LONP2: variants seen among roughly 807,000 people sequenced by gnomAD.
LONP2 encodes the protein lon protease homolog 2, peroxisomal.
Under a neutral mutation model 85.6 loss-of-function variants are expected in LONP2, and 60 were observed. The ratio of observed to expected loss-of-function variants is 0.70; its 90% CI spans 0.57 to 0.87. The LOEUF is 0.87. Ranked by LOEUF, LONP2 falls within the 40% of genes least tolerant of loss-of-function variation. The probability of loss-of-function intolerance (pLI) is 0.00; values close to 1 mark genes in which losing one functional copy is unlikely to be tolerated. For synonymous variants in LONP2, 395 were observed against 389.7 expected, an observed-to-expected ratio of 1.01 and a Z score of -0.16; for missense variants, 860 against 1,063.5, an observed-to-expected ratio of 0.81 and a Z score of 2.66.
At chr16:48,342,012 G>A (rs1005288275) in intron 12 of LONP2, among the ~76,000 whole-genome samples, 3 of 152,214 alleles carry the variant, frequency 2.0e-5, no homozygotes, top group Admixed American at 6.5e-5. Flanking sequence ...CATGGAAAGA[G>A]TAGGTCACTG....
intron 9 of LONP2, among the ~76,000 whole-genome samples, chr16:48,297,669 A>AT (rs1377978939): frequency 6.6e-6 from 1 of 151,114 alleles, no homozygotes; most frequent in South Asian, 2.1e-4. Context: ...TCTGAAATAT[A>AT]TTTTTACTAC....
At chr16:48,309,261 A>T (rs905385480) in intron 11 of LONP2, among the ~76,000 whole-genome samples, 1 of 152,220 alleles carries the variant, frequency 6.6e-6, no homozygotes, top group African/African-American at 2.4e-5. Context: ...CAAAAAATAG[A>T]ACCGTCATTT....
intron 12 of LONP2, among the ~76,000 whole-genome samples, chr16:48,346,211 T>TTAGTGAGAC (rs1325365308): frequency 2.0e-5 from 3 of 152,164 alleles, no homozygotes; most frequent in African/African-American, 7.2e-5. Context: ...GTGCTGTTCC[T>TTAGTGAGAC]TAGTGAGACG....
At chr16:48,282,283 T>A (rs1275115250) in intron 8 of LONP2, among the ~76,000 whole-genome samples, 2 of 151,772 alleles carry the variant, frequency 1.3e-5, no homozygotes, top group Non-Finnish European at 2.9e-5. Context: ...TGGTCGTGCA[T>A]GCCTGTAATC....
At chr16:48,271,173 C>CACAA (rs1972095517) in intron 7 of LONP2, among the ~76,000 whole-genome samples, 1 of 151,400 alleles carries the variant, frequency 6.6e-6, no homozygotes, top group Non-Finnish European at 1.5e-5. Flanking sequence ...GAGACATTAT[C>CACAA]TCAAACAAAC....
chr16:48,277,815 C>T (rs1211538940), intron 8 of LONP2, among the ~76,000 whole-genome samples: 13 of 151,490 alleles, frequency 8.6e-5, no homozygotes, highest in Admixed American at 8.5e-4. Context: ...CCCATGCCTT[C>T]TTCTGCACTT....
chr16:48,301,589 C>G (rs983779324), intron 10 of LONP2, among the ~76,000 whole-genome samples: 1 of 148,834 alleles, frequency 6.7e-6, no homozygotes, highest in Non-Finnish European at 1.5e-5. Flanking sequence ...GAGTTGAGAT[C>G]GTGCCACTGC....
intron 7 of LONP2, among the ~76,000 whole-genome samples, chr16:48,276,624 A>G (rs1166658130): frequency 1.3e-5 from 2 of 152,242 alleles, no homozygotes; most frequent in African/African-American, 4.8e-5. Flanking sequence ...TCCAAATACA[A>G]TAAAGCAGGC....
At chr16:48,269,791 T>G (rs988589602) in intron 6 of LONP2, among the ~76,000 whole-genome samples, 4 of 152,156 alleles carry the variant, frequency 2.6e-5, no homozygotes, top group Admixed American at 2.0e-4. Context: ...ATATGAACAT[T>G]GAGTTTTTAA....
chr16:48,317,906 T>C (rs1365040253), intron 11 of LONP2, among the ~76,000 whole-genome samples: 1 of 152,228 alleles, frequency 6.6e-6, no homozygotes, highest in Non-Finnish European at 1.5e-5. Flanking sequence ...TCCTATTTTG[T>C]GTGAGTTGCA....
At chr16:48,307,948 G>C (rs1330998537) in intron 11 of LONP2, among the ~76,000 whole-genome samples, 2 of 152,166 alleles carry the variant, frequency 1.3e-5, no homozygotes. Flanking sequence ...CATGGTGAGA[G>C]AGGGAGCAAG....
intron 8 of LONP2, among the ~76,000 whole-genome samples, chr16:48,289,894 C>T (rs1037616952): frequency 7.2e-5 from 11 of 152,124 alleles, no homozygotes. Flanking sequence ...TGTTATTATG[C>T]ATCATATCTT....
intron 11 of LONP2, among the ~76,000 whole-genome samples, chr16:48,316,876 A>G (rs1271869275): frequency 6.6e-6 from 1 of 151,560 alleles, no homozygotes. Context: ...TTTTTACTGG[A>G]TGCCAGACAT....
chr16:48,255,408 G>A (rs1292520385), intron 2 of LONP2, among the ~76,000 whole-genome samples: 1 of 152,178 alleles, frequency 6.6e-6, no homozygotes. Flanking sequence ...ACACCTATTA[G>A]TATATTCGAA....
intron 11 of LONP2, among the ~76,000 whole-genome samples, chr16:48,315,581 C>T (rs901316285): frequency 1.3e-5 from 2 of 152,160 alleles, no homozygotes; most frequent in Non-Finnish European, 2.9e-5. Flanking sequence ...TACTTCATGG[C>T]CTACTGACCT....
At chr16:48,346,075 A>G (rs939933339) in intron 12 of LONP2, 2 of 151,848 alleles carry the variant, frequency 1.3e-5, no homozygotes, top group South Asian at 4.2e-4. Context: ...GAGGAAAAGA[A>G]GTGCCCAATA....
chr16:48,360,989 A>C (rs375249454), downstream of LONP2: 2 of 152,278 alleles, frequency 1.3e-5, no homozygotes, highest in Non-Finnish European at 2.9e-5. Context: ...TTTTTACCAT[A>C]AACAAATATG....
chr16:48,249,673 G>A (rs547355108), intron 1 of LONP2, among the ~76,000 whole-genome samples: 2 of 150,264 alleles, frequency 1.3e-5, no homozygotes, highest in Non-Finnish European at 3.0e-5. Context: ...GCCAGTAGTT[G>A]GAGATCAGCC....
At chr16:48,269,826 G>A (rs1393967722) in intron 6 of LONP2, among the ~76,000 whole-genome samples, 190 bp from the exon 7 acceptor site, 1 of 151,888 alleles carries the variant, frequency 6.6e-6, no homozygotes, top group African/African-American at 2.4e-5. Flanking sequence ...CTATCTCTGG[G>A]GACACTAAGT....
Sources: allele counts gnomAD v4.1 joint callset (sites outside exome capture counted in the v4.1 genomes callset), GRCh38; gene constraint gnomAD v4.1.1; transcripts MANE v1.5; gene names NCBI Gene and HGNC (gene_info 2026-07-23, HGNC 2026-07-21).